DOCK6: variants seen among roughly 807,000 people sequenced by gnomAD.
DOCK6 encodes dedicator of cytokinesis protein 6.
A neutral mutation model predicts 230.3 loss-of-function variants in DOCK6; 167 were observed. The ratio of observed to expected loss-of-function variants is 0.73; its 90% confidence interval spans 0.64 to 0.82. The LOEUF (loss-of-function observed/expected upper bound fraction) is 0.82, where lower values mean the gene tolerates loss of function less well. Among genes scored for constraint, DOCK6 ranks in the 40% least tolerant of loss-of-function variants. DOCK6 has a pLI of 0.00. For synonymous variants in DOCK6, 1,148 were observed against 1,185.0 expected (o/e 0.97, Z 0.64); for missense variants, 2,598 against 2,825.8 (o/e 0.92, Z 1.83).
rs774501306 is a variant in DOCK6 at position 11,227,333 on chromosome 19, T to C, written c.2955+4A>G. The stretch of plus-strand genomic sequence containing the variant: ...TTCCCACATTGAGACCCTGCATCTC[T>C]CACCTTGTGGACACGGGTGATGACC... On this transcript the variant is annotated splice_donor_region_variant and intron_variant, in intron 24 of 47. Coordinates refer to ENST00000294618, the MANE Select transcript of DOCK6 (RefSeq NM_020812.4). 1 of 1,613,496 alleles carries C rather than the reference T, an allele frequency of 6.2e-7. No individual in the cohort carries two copies. Among genetic ancestry groups the C allele is most frequent in the Non-Finnish European group, 8.5e-7 (1 of 1,179,652 alleles).
At chr19:11,241,626 C>T in intron 14 of DOCK6, 1 of 1,565,142 alleles carries the variant, frequency 6.4e-7, no homozygotes, top group Non-Finnish European at 8.7e-7. Context: ...AAAGGGGCCC[C>T]CTCACCTGGG....
At chr19:11,247,936 CCATA>C in intron 7 of DOCK6, 126 bp downstream of exon 7, 1 of 725,208 alleles carries the variant, frequency 1.4e-6, no homozygotes, top group Non-Finnish European at 2.4e-6. Flanking sequence ...CCATAAAAGC[CCATA>C]CATAGGTGGC....
intron 28 of DOCK6, among the ~76,000 whole-genome samples, chr19:11,218,943 ATCC>A (rs2079537994): frequency 7.7e-6 from 1 of 130,676 alleles, no homozygotes; most frequent in South Asian, 2.4e-4. Context: ...CAGTAGAATG[ATCC>A]TGGCTCACCA....
At chr19:11,251,378 T>G in intron 5 of DOCK6, 2 of 331,950 alleles carry the variant, frequency 6.0e-6, no homozygotes, top group Non-Finnish European at 1.1e-5. Flanking sequence ...CCCTAGGGAC[T>G]GGCTCCAAGG....
intron 23 of DOCK6, 146 bp from the exon 24 acceptor site, chr19:11,227,623 A>C: frequency 2.1e-6 from 2 of 963,548 alleles, no homozygotes; most frequent in Non-Finnish European, 3.0e-6. Context: ...AGGAGGCTTG[A>C]CAGGAGGGGC....
intron 18 of DOCK6, 197 bp from the exon 19 acceptor site, chr19:11,237,076 G>A (rs776788718): frequency 8.3e-6 from 5 of 605,228 alleles, no homozygotes; most frequent in Admixed American, 3.0e-5. Context: ...ATGCCAAGAC[G>A]GGGGCAGAGA....
At chr19:11,239,669 C>A (rs200458610) in intron 14 of DOCK6, 99 of 1,613,748 alleles carry the variant, frequency 6.1e-5, no homozygotes, top group Admixed American at 4.7e-4. Flanking sequence ...CTGCTCTGGG[C>A]CCTGGCAATG....
intron 30 of DOCK6, 149 bp downstream of exon 30, chr19:11,216,765 A>C: frequency 1.2e-6 from 1 of 802,966 alleles, no homozygotes; most frequent in Non-Finnish European, 2.0e-6. Context: ...TTGCCTCAGC[A>C]CAGAAACAGT....
In DOCK6 at chr19:11,243,722, C is replaced by T. The variant is rs115059172; in HGVS notation, c.1105-12G>A. 4 of 1,613,758 alleles carry T rather than the reference C, an allele frequency of 2.5e-6. No individual in the cohort carries two copies. Among genetic ancestry groups the T allele is most frequent in the Admixed American group, 3.3e-5 (2 of 59,988 alleles). On this transcript the variant is annotated splice_polypyrimidine_tract_variant and intron_variant, in intron 10 of 47. Coordinates refer to ENST00000294618, the MANE Select transcript of DOCK6 (RefSeq NM_020812.4). This position sits in a 1 kb window ranked among gnomAD's most constrained non-coding sequence, Gnocchi z 6.3. ...AGCTTCTCTTTGTTCTGTGGGGAGA[C>T]CCCGTCCCCTGCCAGCTCAGCATCC...
At chr19:11,224,916 T>C (rs1033351420) in intron 24 of DOCK6, among the ~76,000 whole-genome samples, 1 of 151,762 alleles carries the variant, frequency 6.6e-6, no homozygotes, top group Non-Finnish European at 1.5e-5. Context: ...TACAAAAAAT[T>C]AGCCAGGGGT....
rs2079859916 is a variant in DOCK6, at chr19:11,237,022, T to C, written c.2074-143A>G. 5 of 801,854 alleles carry C rather than the reference T, an allele frequency of 6.2e-6. No individual in the cohort carries two copies. In the South Asian group the frequency reaches 9.0e-5, roughly 15 times the overall value. The allele number at this position is 801,854 out of a possible 1,614,324, so 49.7% of individuals were successfully genotyped here. On this transcript the variant is annotated intron_variant, in intron 18 of 47. Coordinates refer to ENST00000294618, the MANE Select transcript of DOCK6 (RefSeq NM_020812.4). ...CCAAGCACCCTGCCCCCAGCCCTGG[T>C]CCCAGTAGACTGAGAGGGTCCACTG...
chr19:11,214,258 T>G lies in DOCK6; in HGVS notation c.4338+17A>C, dbSNP rs759277703. The G allele has an allele frequency of 5.6e-6, 9 of 1,594,898 alleles. No individual in the cohort carries two copies. Among genetic ancestry groups the G allele is most frequent in the Non-Finnish European group, 7.7e-6 (9 of 1,170,296 alleles). On this transcript the variant is annotated intron_variant, in intron 34 of 47. Transcript: ENST00000294618. ...CTACTGTTTTTCTAAGAATCATGGT[T>G]GTTGAGTGGTGCTCACCTTGGACAC...
Position 11,199,488 on chromosome 19 carries a change from C to A in DOCK6, c.*9G>T. 1.3e-6 allele frequency: 2 copies of A among 1,578,956 alleles called. No individual in the cohort carries two copies. The highest frequency in any genetic ancestry group is 2.3e-5 in the East Asian group (1 of 43,262). ...GGTTCCTCTAGGTACAGCTTTGGTC[C>A]TTGTGGGCTCAGAGGTCTGCCTTTC... On this transcript the variant is annotated 3_prime_UTR_variant, in exon 48 of 48. Coordinates refer to ENST00000294618, the MANE Select transcript of DOCK6 (RefSeq NM_020812.4).
At position 11,243,222 on chromosome 19, in the gene DOCK6, G is replaced by T. The variant is rs745888441; in HGVS notation, c.1386+36C>A. 1.9e-6 allele frequency: 3 copies of T among 1,613,350 alleles called. No homozygotes were observed. Among genetic ancestry groups the T allele is most frequent in the Non-Finnish European group, 2.5e-6 (3 of 1,179,632 alleles). ...GTCCCCAGGGCTAATGCAGCCAGCG[G>T]GGAGTGGGAGAGTCCCTGGCCCCAG... On this transcript the variant is annotated intron_variant, in intron 12 of 47. Transcript: ENST00000294618. This position sits in a 1 kb window ranked among gnomAD's most constrained non-coding sequence, Gnocchi z 6.3.
In DOCK6 at chr19:11,236,029, C is replaced by T. The variant is rs540306681; in HGVS notation, c.2393-270G>A. 8 of 487,946 alleles carry T rather than the reference C, an allele frequency of 1.6e-5. No individual in the cohort carries two copies. The highest frequency in any genetic ancestry group is 1.6e-4 in the South Asian group (5 of 32,002). 30.2% of individuals were successfully genotyped at this position (487,946 alleles called of 1,614,324 possible). Reference sequence around the variant, plus strand: ...CCGAGTAGCTGGGATTACAGGCATGCGCCACCACGCCCAGCTAATTTTGTA... The same window carrying T: ...CCGAGTAGCTGGGATTACAGGCATGTGCCACCACGCCCAGCTAATTTTGTA... On this transcript the variant is annotated intron_variant, in intron 20 of 47. Transcript: ENST00000294618. This position sits in a 1 kb window ranked among gnomAD's most constrained non-coding sequence, Gnocchi z 5.2.
intron 6 of DOCK6, among the ~76,000 whole-genome samples, chr19:11,249,406 G>A (rs1392697397): frequency 6.6e-6 from 1 of 151,912 alleles, no homozygotes. Flanking sequence ...AGCTACTCAG[G>A]AGGCTGAGGC....
At chr19:11,204,453 A>G (rs2079224328) in intron 39 of DOCK6, 122 bp from the exon 40 acceptor site, 2 of 1,396,988 alleles carry the variant, frequency 1.4e-6, no homozygotes, top group Non-Finnish European at 1.9e-6. Flanking sequence ...TCCTCCAGGA[A>G]GCCCACCCTG....
chr19:11,219,820 A>C (rs900837827), intron 28 of DOCK6, among the ~76,000 whole-genome samples: 3 of 151,946 alleles, frequency 2.0e-5, no homozygotes, highest in Admixed American at 1.3e-4. Flanking sequence ...CTTAATCATC[A>C]AAACAACCAT....
At chr19:11,235,560 A>C in intron 21 of DOCK6, 38 bp downstream of exon 21, 3 of 1,530,894 alleles carry the variant, frequency 2.0e-6, no homozygotes, top group Non-Finnish European at 2.7e-6. Flanking sequence ...CTCTTCTCCC[A>C]GATATTTCTC....
Sources: gnomAD v4.1 joint callset for allele counts (sites outside exome capture counted in the v4.1 genomes callset) on GRCh38, gnomAD v4.1.1 for gene constraint, Gnocchi (gnomAD v3.1) non-coding constraint, MANE v1.5 for transcripts, NCBI Gene and HGNC (gene_info 2026-07-23, HGNC 2026-07-21) for gene names.